Variants in ABCD3 observed in about 807,000 individuals in gnomAD.
ABCD3 encodes ATP binding cassette subfamily D member 3, also known as ATP-binding cassette sub-family D member 3.
A neutral mutation model predicts 105.5 loss-of-function variants in ABCD3; 41 were observed. The observed-to-expected ratio is 0.39, with a 90% confidence interval of 0.30 to 0.50. The LOEUF is 0.50. Ranked by LOEUF, ABCD3 falls within the 20% of genes least tolerant of loss-of-function variation. The probability of loss-of-function intolerance (pLI) is 0.84; values close to 1 mark genes in which losing one functional copy is unlikely to be tolerated. For missense variants in ABCD3, 622 were observed against 806.3 expected, an observed-to-expected ratio of 0.77 and a Z score of 2.77; for synonymous variants, 258 against 269.0, an observed-to-expected ratio of 0.96 and a Z score of 0.40.
chr1:94,506,093 G>A (rs1418865022), intron 20 of ABCD3, among the ~76,000 whole-genome samples: 1 of 152,004 alleles, frequency 6.6e-6, no homozygotes, highest in African/African-American at 2.4e-5. Context: ...ATATAAAACA[G>A]GTACAATAAA....
At chr1:94,475,831 A>T in intron 7 of ABCD3, 94 bp downstream of exon 7, 1 of 968,080 alleles carries the variant, frequency 1.0e-6, no homozygotes, top group Non-Finnish European at 1.6e-6. Context: ...TGGACATAAC[A>T]GCAGCATGTA....
the ABCD3 span, among the ~76,000 whole-genome samples, chr1:94,401,986 C>T: frequency 3.9e-5 from 6 of 152,222 alleles, no homozygotes; most frequent in African/African-American, 1.2e-4. Context: ...CTCCCACATG[C>T]ACCCACTTTC....
chr1:94,413,170 C>A, the ABCD3 span, among the ~76,000 whole-genome samples: 3 of 152,066 alleles, frequency 2.0e-5, no homozygotes, highest in Non-Finnish European at 2.9e-5. Context: ...ATAAAAAATT[C>A]TGCCATCTTT....
intron 4 of ABCD3, among the ~76,000 whole-genome samples, chr1:94,473,102 T>C (rs1329380086): frequency 6.6e-6 from 1 of 152,168 alleles, no homozygotes; most frequent in Non-Finnish European, 1.5e-5. Flanking sequence ...ATGAAGCTTC[T>C]GTAGATCCAT....
At chr1:94,473,628 TG>T (rs1648594764) in intron 4 of ABCD3, 137 bp from the exon 5 acceptor site, 14 of 698,804 alleles carry the variant, frequency 2.0e-5, no homozygotes, top group Non-Finnish European at 3.5e-5. Context: ...TGCAAAAAAG[TG>T]GTTTTTAGCA....
the ABCD3 span, among the ~76,000 whole-genome samples, chr1:94,406,151 T>C: frequency 6.6e-6 from 1 of 151,504 alleles, no homozygotes; most frequent in East Asian, 1.9e-4. Flanking sequence ...TATCCAGCGA[T>C]CTCAACACCA....
rs556649111 is a variant in ABCD3 at position 94,493,278 on chromosome 1, C to T, written c.1386+2031C>T. On this transcript the variant is annotated intron_variant, in intron 16 of 22. Transcript: ENST00000370214. ...AAAAACAACCCCATCAAAAAGTGGGCGAAGGACATGAACAGACACTTCTCA... is the reference window on the plus strand; with the variant it reads ...AAAAACAACCCCATCAAAAAGTGGGTGAAGGACATGAACAGACACTTCTCA... Among the ~76,000 whole-genome samples the T allele has an allele frequency of 7.1e-4, 108 of 151,938 alleles. 4 individuals are homozygous for T. The South Asian group carries it at 0.021, about 29-fold the overall frequency.
At chr1:94,432,242 A>G (rs1659711797) in intron 1 of ABCD3, among the ~76,000 whole-genome samples, 2 of 152,230 alleles carry the variant, frequency 1.3e-5, no homozygotes, top group African/African-American at 4.8e-5. Flanking sequence ...AATGCATAGA[A>G]AATTTGTACA....
intron 1 of ABCD3, among the ~76,000 whole-genome samples, chr1:94,437,908 G>C (rs1659964331): frequency 6.6e-6 from 1 of 152,122 alleles, no homozygotes; most frequent in African/African-American, 2.4e-5. Flanking sequence ...GATTTCAGTG[G>C]AGGAAGTAAC....
At chr1:94,430,040 C>T (rs944992780) in intron 1 of ABCD3, among the ~76,000 whole-genome samples, 3 of 152,272 alleles carry the variant, frequency 2.0e-5, no homozygotes, top group African/African-American at 7.2e-5. Flanking sequence ...CCACCTCTTG[C>T]ATCAGTGTGA....
In ABCD3 at chr1:94,499,610, T is replaced by A; in HGVS notation, c.1736T>A (p.Met579Lys). ...DVLSGGEKQRMAMARLFYHKP... is the reference protein window; with the variant it reads ...DVLSGGEKQRKAMARLFYHKP... The stretch of plus-strand genomic sequence containing the variant: ...CTCAGTGGTGGAGAAAAGCAAAGAA[T>A]GGCGGTAAGTATACTGTGAAGAAGT... Residue 579 changes from methionine (M) to lysine (K), a missense_variant, in exon 20 of 23, where the codon ATG becomes AAG. Met to Lys is a moderately conservative substitution (Grantham distance 95). Coordinates refer to ENST00000370214, the MANE Select transcript of ABCD3 (RefSeq NM_002858.4). The A allele has an allele frequency of 1.2e-6, 2 of 1,613,516 alleles. No individual in the cohort carries two copies. Among genetic ancestry groups the A allele is most frequent in the Non-Finnish European group, 1.7e-6 (2 of 1,179,622 alleles).
At chr1:94,506,738 G>C (rs1217036348) in intron 21 of ABCD3, 96 bp downstream of exon 21, 1 of 836,428 alleles carries the variant, frequency 1.2e-6, no homozygotes, top group Non-Finnish European at 2.0e-6. Context: ...AGGTCACTAA[G>C]TAACAAAATT....
rs148757295 is a variant in ABCD3, at chr1:94,474,966, C to T, written c.406-177C>T. Among the ~76,000 whole-genome samples, 554 of 151,806 alleles carry T rather than the reference C, an allele frequency of 3.6e-3. 1 individual carries two copies. Among genetic ancestry groups the T allele is most frequent in the African/African-American group, 0.013 (528 of 41,408 alleles). The stretch of plus-strand genomic sequence containing the variant: ...AAACTTTAACATAGAATAATTCAAA[C>T]GAGGTACATTTGGTTTAGCTAAATG... On this transcript the variant is annotated intron_variant, in intron 5 of 22. Coordinates refer to ENST00000370214, the MANE Select transcript of ABCD3 (RefSeq NM_002858.4).
chr1:94,410,104 G>A, the ABCD3 span, among the ~76,000 whole-genome samples: 1 of 152,146 alleles, frequency 6.6e-6, no homozygotes, highest in African/African-American at 2.4e-5. Flanking sequence ...TTTTATAAAT[G>A]AATGGAACTG....
chr1:94,497,107 C>G (rs1649861287), intron 16 of ABCD3, among the ~76,000 whole-genome samples: 1 of 152,096 alleles, frequency 6.6e-6, no homozygotes, highest in Non-Finnish European at 1.5e-5. Context: ...CTCTGACCAC[C>G]TTAAAAATGC....
chr1:94,401,743 T>G, the ABCD3 span, among the ~76,000 whole-genome samples: 1 of 152,254 alleles, frequency 6.6e-6, no homozygotes, highest in Non-Finnish European at 1.5e-5. Flanking sequence ...AATTTATCTT[T>G]AAGATCTTTC....
chr1:94,501,760 G>T (rs1650107974), intron 20 of ABCD3, among the ~76,000 whole-genome samples: 1 of 151,954 alleles, frequency 6.6e-6, no homozygotes, highest in African/African-American at 2.4e-5. Flanking sequence ...TTATGAAAAA[G>T]TATATATGAT....
At chr1:94,453,888 C>G (rs1191115204) in intron 1 of ABCD3, among the ~76,000 whole-genome samples, 1 of 146,398 alleles carries the variant, frequency 6.8e-6, no homozygotes. Context: ...TAAATTTCTT[C>G]TGCTTTTTTT....
At chr1:94,493,420 A>G (rs1176551111) in intron 16 of ABCD3, among the ~76,000 whole-genome samples, 2 of 151,954 alleles carry the variant, frequency 1.3e-5, no homozygotes, top group Non-Finnish European at 1.5e-5. Context: ...TTAGAATGGC[A>G]ATCATTAAAA....
Sources: gnomAD v4.1 joint callset for allele counts (sites outside exome capture counted in the v4.1 genomes callset) on GRCh38, gnomAD v4.1.1 for gene constraint, MANE v1.5 for transcripts, NCBI Gene and HGNC (gene_info 2026-07-23, HGNC 2026-07-21) for gene names.